Variants in RORA observed in about 807,000 individuals in gnomAD.
The protein encoded by RORA is nuclear receptor ROR-alpha.
In RORA, 7 loss-of-function variants were observed where a neutral mutation model predicts 69.5. That is an observed-to-expected ratio of 0.10 (90% CI 0.06 to 0.19). RORA has a LOEUF of 0.19. Among genes scored for constraint, RORA ranks in the 10% least tolerant of loss-of-function variants. The probability of loss-of-function intolerance (pLI) is 1.00; values close to 1 mark genes in which losing one functional copy is unlikely to be tolerated. For missense variants in RORA, 457 were observed against 663.0 expected (o/e 0.69, Z 3.41); for synonymous variants, 261 against 240.8 (o/e 1.08, Z -0.78).
intron 1 of RORA, among the ~76,000 whole-genome samples, chr15:60,782,710 A>C (rs890793962): frequency 1.6e-4 from 25 of 152,192 alleles, no homozygotes; most frequent in Admixed American, 1.4e-3. Flanking sequence ...AAACATTTTT[A>C]ATGAGTAGTA....
intron 3 of RORA, among the ~76,000 whole-genome samples, chr15:60,516,196 T>A (rs1178426747): frequency 5.5e-5 from 1 of 18,030 alleles, no homozygotes; most frequent in African/African-American, 3.0e-4. Flanking sequence ...TATATATATA[T>A]TTATATATAT....
At chr15:60,557,909 A>C (rs1292649389) in intron 2 of RORA, among the ~76,000 whole-genome samples, 2 of 152,242 alleles carry the variant, frequency 1.3e-5, no homozygotes, top group African/African-American at 4.8e-5. Context: ...ATATTTCTAA[A>C]TTATGACCTA....
At chr15:60,586,264 T>G (rs535385562) in intron 2 of RORA, among the ~76,000 whole-genome samples, 1 of 152,236 alleles carries the variant, frequency 6.6e-6, no homozygotes, top group Non-Finnish European at 1.5e-5. Context: ...CTTTACTATG[T>G]GCTGGGTTAA....
At chr15:61,192,599 G>A (rs751737241) in intron 1 of RORA, among the ~76,000 whole-genome samples, 10 of 152,214 alleles carry the variant, frequency 6.6e-5, no homozygotes, top group Non-Finnish European at 1.5e-4. Context: ...GGTCTACACT[G>A]CCCTGAGACC....
intron 2 of RORA, among the ~76,000 whole-genome samples, chr15:60,605,740 T>G (rs8030660): frequency 2.0e-5 from 3 of 152,020 alleles, no homozygotes; most frequent in African/African-American, 4.8e-5. Flanking sequence ...AACCACAGAG[T>G]AAATAATGAT....
At chr15:60,766,639 A>T (rs960570607) in intron 1 of RORA, among the ~76,000 whole-genome samples, 1 of 150,032 alleles carries the variant, frequency 6.7e-6, no homozygotes, top group African/African-American at 2.5e-5. Context: ...GCTGTTTAAT[A>T]GATTGCCAAA....
At chr15:60,614,597 C>T (rs1177346185) in intron 2 of RORA, among the ~76,000 whole-genome samples, 2 of 152,142 alleles carry the variant, frequency 1.3e-5, no homozygotes, top group East Asian at 1.9e-4. Context: ...AAAGACATGG[C>T]TTCTGTGTCG....
At chr15:61,030,654 TGG>T (rs1896115273) in intron 1 of RORA, among the ~76,000 whole-genome samples, 2 of 152,138 alleles carry the variant, frequency 1.3e-5, no homozygotes, top group African/African-American at 4.8e-5. Flanking sequence ...CAAGCATATT[TGG>T]GGCCCATAAC....
chr15:61,222,913 T>C lies in RORA; in HGVS notation c.166+6140A>G, dbSNP rs1342356512. Among the ~76,000 whole-genome samples, 5 of 152,298 alleles carry C rather than the reference T, an allele frequency of 3.3e-5. No homozygotes were observed. In the East Asian group the frequency reaches 9.6e-4, roughly 29 times the overall value. On this transcript the variant is annotated intron_variant, in intron 1 of 10. Coordinates refer to ENST00000335670, the MANE Select transcript of RORA (RefSeq NM_134261.3). ...CCCTTCAATATATCTATGTAAGAGT[T>C]AGGACTACCTGGAGTTTCTGTCTAC...
chr15:61,168,103 T>C (rs1001171196), intron 1 of RORA, among the ~76,000 whole-genome samples: 18 of 150,898 alleles, frequency 1.2e-4, no homozygotes, highest in African/African-American at 1.7e-4. Context: ...AAACTTGTAA[T>C]GTATATATAT....
intron 10 of RORA, 59 bp from the exon 11 acceptor site, chr15:60,497,678 A>C: frequency 2.2e-6 from 3 of 1,367,378 alleles, no homozygotes; most frequent in Middle Eastern, 1.8e-4. Flanking sequence ...ATCAAAGATC[A>C]GGGAACCTGA....
chr15:60,849,933 T>G (rs918379622), intron 1 of RORA, among the ~76,000 whole-genome samples: 1 of 152,132 alleles, frequency 6.6e-6, no homozygotes, highest in African/African-American at 2.4e-5. Flanking sequence ...GTGGCTCCAG[T>G]GGGTTTCCTG....
At chr15:60,927,731 A>G (rs1252453162) in intron 1 of RORA, among the ~76,000 whole-genome samples, 1 of 152,164 alleles carries the variant, frequency 6.6e-6, no homozygotes, top group African/African-American at 2.4e-5. Flanking sequence ...CCAAGATCAC[A>G]CCACTGCACT....
intron 1 of RORA, chr15:61,195,879 C>T (rs1268867142): frequency 6.6e-6 from 1 of 152,250 alleles, no homozygotes; most frequent in Non-Finnish European, 1.5e-5. Context: ...CCTGAGGCCA[C>T]ATCCCACGAG....
At position 60,792,844 on chromosome 15, in the gene RORA, T is replaced by C. The variant is rs182379675; in HGVS notation, c.167-114158A>G. On this transcript the variant is annotated intron_variant, in intron 1 of 10. Transcript: ENST00000335670. The stretch of plus-strand genomic sequence containing the variant: ...ATCTACAGGGAGGAGTGAGGATCAC[T>C]GGAAATGTTTTCTCAAAGATGTAAG... 7.0e-4 allele frequency among the ~76,000 whole-genome samples: 107 copies of C among 152,342 alleles called. No individual in the cohort carries two copies. The Middle Eastern group carries it at 0.014, about 19-fold the overall frequency.
chr15:61,030,841 T>G (rs1896128044), intron 1 of RORA, among the ~76,000 whole-genome samples: 2 of 152,174 alleles, frequency 1.3e-5, no homozygotes, highest in Non-Finnish European at 2.9e-5. Flanking sequence ...CCATTAATTT[T>G]GAGAAAAACG....
At chr15:60,755,079 AC>A (rs551352299) in intron 1 of RORA, among the ~76,000 whole-genome samples, 5 of 148,244 alleles carry the variant, frequency 3.4e-5, no homozygotes, top group African/African-American at 1.2e-4. Flanking sequence ...GGTGTGCTGC[AC>A]CCATTAACTC....
chr15:60,515,006 A>G (rs1220816002), intron 3 of RORA, among the ~76,000 whole-genome samples: 1 of 152,192 alleles, frequency 6.6e-6, no homozygotes, highest in Non-Finnish European at 1.5e-5. Flanking sequence ...ACAGTTGCCC[A>G]TGTAAAAAGG....
intron 2 of RORA, among the ~76,000 whole-genome samples, chr15:60,533,520 C>T (rs1223935976): frequency 1.3e-5 from 2 of 152,218 alleles, no homozygotes; most frequent in Admixed American, 1.3e-4. Context: ...ATGTCTCATA[C>T]TGCACAGTCC....
Sources: allele counts gnomAD v4.1 joint callset (sites outside exome capture counted in the v4.1 genomes callset), GRCh38; gene constraint gnomAD v4.1.1; transcripts MANE v1.5; gene names NCBI Gene and HGNC (gene_info 2026-07-23, HGNC 2026-07-21).